Variants in AGO2 observed in about 807,000 individuals in gnomAD.
AGO2 encodes argonaute RISC catalytic component 2, also known as protein argonaute-2.
A neutral mutation model predicts 102.3 loss-of-function variants in AGO2; 5 were observed. The ratio of observed to expected loss-of-function variants is 0.05; its 90% CI spans 0.03 to 0.10. AGO2 has a LOEUF of 0.10. Among genes scored for constraint, AGO2 ranks in the 10% least tolerant of loss-of-function variants. AGO2 has a pLI of 1.00. For synonymous variants in AGO2, 449 were observed against 473.1 expected (o/e 0.95, Z 0.66); for missense variants, 541 against 1,183.7 (o/e 0.46, Z 7.97).
At chr8:140,602,218 G>A (rs1426763066) in intron 1 of AGO2, among the ~76,000 whole-genome samples, 1 of 152,104 alleles carries the variant, frequency 6.6e-6, no homozygotes, top group East Asian at 1.9e-4. Flanking sequence ...ATCATGAAGG[G>A]AAAATTTAGC....
In AGO2 at chr8:140,523,819, C is replaced by G. The variant is rs1204248206; in HGVS notation, c.*8225G>C. 1 of 152,174 alleles carries G rather than the reference C, an allele frequency of 6.6e-6. No individual in the cohort carries two copies. The highest frequency in any genetic ancestry group is 1.5e-5 in the Non-Finnish European group (1 of 68,036). The allele number at this position is 152,174 out of a possible 1,614,324, so 9.4% of individuals were successfully genotyped here. A position where few individuals can be genotyped will look rare whatever the true frequency, so the allele number is the denominator to read the frequency against. ...GCCTCTGTGGAGGGAGAGGCCATTC[C>G]TTGCCTTGCAGGATGGTGGGTTGGG... On this transcript the variant is annotated 3_prime_UTR_variant, in exon 19 of 19. Transcript: ENST00000220592.
intron 1 of AGO2, 138 bp downstream of exon 1, chr8:140,635,347 G>C: frequency 1.9e-6 from 1 of 527,760 alleles, no homozygotes; most frequent in Non-Finnish European, 2.4e-6. Flanking sequence ...GCGCGGCCCC[G>C]GCTCGCCCGC....
At chr8:140,546,489 AGGG>A (rs2072903281) in intron 13 of AGO2, among the ~76,000 whole-genome samples, 1 of 152,226 alleles carries the variant, frequency 6.6e-6, no homozygotes. Context: ...TGCACACAGC[AGGG>A]GCTCACCACC....
Position 140,535,548 on chromosome 8 carries a change from G to A in AGO2, c.2191C>T (p.Pro731Ser). ...NERVGKSGNI[P>S]AGTTVDTKIT... ...TTCGTGTCCACAGTCGTGCCTGCTGGAATGTTTCCACTTTTCCCAACCTTC... is the reference window on the plus strand; with the variant it reads ...TTCGTGTCCACAGTCGTGCCTGCTGAAATGTTTCCACTTTTCCCAACCTTC... Residue 731 changes from proline (P) to serine (S), a missense_variant, in exon 17 of 19, where the codon CCA becomes TCA. Pro to Ser is a moderately conservative substitution (Grantham distance 74, BLOSUM62 -1). Transcript: ENST00000220592. The A allele has an allele frequency of 1.2e-6, 2 of 1,614,226 alleles. No individual in the cohort carries two copies. Among genetic ancestry groups the A allele is most frequent in the Non-Finnish European group, 1.7e-6 (2 of 1,180,026 alleles).
chr8:140,624,750 C>G (rs1281132039), intron 1 of AGO2, among the ~76,000 whole-genome samples: 1 of 152,216 alleles, frequency 6.6e-6, no homozygotes, highest in Admixed American at 6.5e-5. Flanking sequence ...ATAAGGAGCA[C>G]AGAGGAAGAC....
chr8:140,588,662 G>A (rs1588483164), intron 1 of AGO2, among the ~76,000 whole-genome samples: 1 of 151,200 alleles, frequency 6.6e-6, no homozygotes, highest in African/African-American at 2.4e-5. Flanking sequence ...GAGGGAGGGA[G>A]GGAAGGAAGG....
chr8:140,577,568 C>T (rs540920058), intron 2 of AGO2, among the ~76,000 whole-genome samples: 3 of 152,148 alleles, frequency 2.0e-5, no homozygotes, highest in Non-Finnish European at 2.9e-5. Context: ...AAGTAGAAAT[C>T]TGAGGACAAA....
chr8:140,612,957 T>C (rs1267140429), intron 1 of AGO2, among the ~76,000 whole-genome samples: 1 of 151,858 alleles, frequency 6.6e-6, no homozygotes, highest in Non-Finnish European at 1.5e-5. Context: ...CCCAGCACTT[T>C]GGGAGGCCGA....
chr8:140,558,697 C>A, intron 6 of AGO2, 125 bp from the exon 7 acceptor site: 3 of 1,021,802 alleles, frequency 2.9e-6, no homozygotes, highest in Non-Finnish European at 4.4e-6. Flanking sequence ...CTGCAGGGCT[C>A]CCCTAGGGAG....
Position 140,556,352 on chromosome 8 carries a change from G to A in AGO2, c.1027-66C>T, listed in dbSNP as rs2271737. ...GGAGTGACCAGGGGAGCAGGCAGGG[G>A]GCTCAGGGGCTGGTGGCCTGGCTCT... On this transcript the variant is annotated intron_variant, in intron 8 of 18. Transcript: ENST00000220592. The A allele has an allele frequency of 4.4e-6, 7 of 1,588,718 alleles. No homozygotes were observed. In the Admixed American group the frequency reaches 5.2e-5, roughly 12 times the overall value.
chr8:140,574,474 G>A (rs908539396), intron 2 of AGO2, among the ~76,000 whole-genome samples: 1 of 151,926 alleles, frequency 6.6e-6, no homozygotes, highest in African/African-American at 2.4e-5. Context: ...ATGTTGCTCA[G>A]GCTGGTCTCG....
intron 8 of AGO2, 74 bp from the exon 9 acceptor site, chr8:140,556,360 G>A: frequency 6.3e-7 from 1 of 1,581,078 alleles, no homozygotes; most frequent in Non-Finnish European, 8.6e-7. Context: ...GGGGCTCAGG[G>A]GCTGGTGGCC....
chr8:140,592,522 C>T (rs2073759531), intron 1 of AGO2: 2 of 152,238 alleles, frequency 1.3e-5, no homozygotes, highest in African/African-American at 2.4e-5. Flanking sequence ...CTTCTTGTTA[C>T]ACCAACTCTT....
At chr8:140,556,353 G>T in intron 8 of AGO2, 67 bp from the exon 9 acceptor site, 3 of 1,588,524 alleles carry the variant, frequency 1.9e-6, no homozygotes, top group East Asian at 4.5e-5. Flanking sequence ...CAGGCAGGGG[G>T]CTCAGGGGCT....
At chr8:140,641,085 C>T in the AGO2 span, among the ~76,000 whole-genome samples, 105 of 152,164 alleles carry the variant, frequency 6.9e-4, 1 homozygote, top group South Asian at 0.02. Context: ...GTCTTGAGCA[C>T]AGTTTGAGAT....
intron 1 of AGO2, among the ~76,000 whole-genome samples, chr8:140,624,901 G>A (rs1039841610): frequency 1.1e-4 from 16 of 152,218 alleles, no homozygotes; most frequent in African/African-American, 1.7e-4. Context: ...CCATGCTGGA[G>A]GCGGGGGATA....
At chr8:140,621,838 G>A (rs887552236) in intron 1 of AGO2, among the ~76,000 whole-genome samples, 1 of 152,178 alleles carries the variant, frequency 6.6e-6, no homozygotes, top group African/African-American at 2.4e-5. Flanking sequence ...GTGAACTGCT[G>A]GCGGGAATGG....
intron 17 of AGO2, among the ~76,000 whole-genome samples, chr8:140,534,567 C>G (rs1462457443): frequency 6.6e-6 from 1 of 152,250 alleles, no homozygotes; most frequent in Admixed American, 6.5e-5. Context: ...CAGGCTGGAC[C>G]CGGCCCACAG....
rs894662254 is a variant in AGO2 at position 140,567,919 on chromosome 8, A to G, written c.336+4893T>C. On this transcript the variant is annotated intron_variant, in intron 3 of 18. Transcript: ENST00000220592. The surrounding 1 kb of genome is among the most constrained non-coding windows in gnomAD (Gnocchi z 5.0). ...GCGGGCTGGATCGCTTGAGCTCAGG[A>G]GTTGCAGACCAGCCCGGGCAATGTG... Among the ~76,000 whole-genome samples, 6 of 152,050 alleles carry G rather than the reference A, an allele frequency of 3.9e-5. No homozygotes were observed. Among genetic ancestry groups the G allele is most frequent in the African/African-American group, 1.4e-4 (6 of 41,404 alleles).
Sources: allele counts gnomAD v4.1 joint callset (sites outside exome capture counted in the v4.1 genomes callset), GRCh38; gene constraint gnomAD v4.1.1; non-coding constraint Gnocchi (gnomAD v3.1); transcripts MANE v1.5; gene names NCBI Gene and HGNC (gene_info 2026-07-23, HGNC 2026-07-21).